GRM7: variants seen among roughly 807,000 people sequenced by gnomAD.
GRM7 encodes the protein metabotropic glutamate receptor 7.
Under a neutral mutation model 84.5 loss-of-function variants are expected in GRM7, and 35 were observed. The ratio of observed to expected loss-of-function variants is 0.41; its 90% CI spans 0.32 to 0.55. GRM7 has a LOEUF of 0.55. GRM7 is among the 20% of genes least tolerant of loss of function. The pLI is 0.19. For synonymous variants in GRM7, 487 were observed against 455.1 expected (o/e 1.07, Z -0.89); for missense variants, 1,003 against 1,194.6 (o/e 0.84, Z 2.36).
chr3:6,861,239 T>C lies in GRM7; in HGVS notation c.-150T>C. On this transcript the variant is annotated 5_prime_UTR_variant, in exon 1 of 10. Coordinates refer to ENST00000357716, the MANE Select transcript of GRM7 (RefSeq NM_000844.4). This position sits in a 1 kb window ranked among gnomAD's most constrained non-coding sequence, Gnocchi z 6.4. ...GCGCCGCGGGACCCCTCACCCTCTC[T>C]GGTCGCCCCTCCCCGGATTCCCCCA... The C allele has an allele frequency of 3.3e-6, 2 of 613,204 alleles. No individual in the cohort carries two copies. The highest frequency in any genetic ancestry group is 1.9e-5 in the African/African-American group (1 of 51,320). The allele number at this position is 613,204 out of a possible 1,614,324, so 38.0% of individuals were successfully genotyped here.
intron 1 of GRM7, among the ~76,000 whole-genome samples, chr3:7,082,301 T>C (rs114813097): frequency 0.01 from 1,571 of 152,210 alleles, 28 homozygotes; most frequent in African/African-American, 0.036. Flanking sequence ...TTAAGAATTA[T>C]GATTAATCTA....
intron 4 of GRM7, among the ~76,000 whole-genome samples, chr3:7,332,158 C>A (rs546742262): frequency 6.6e-6 from 1 of 152,262 alleles, no homozygotes; most frequent in African/African-American, 2.4e-5. Flanking sequence ...GGAAAGTGAA[C>A]ATCAGCCTAG....
intron 2 of GRM7, among the ~76,000 whole-genome samples, chr3:7,160,167 T>A (rs1694580141): frequency 6.6e-6 from 1 of 152,078 alleles, no homozygotes; most frequent in Admixed American, 6.6e-5. Context: ...GAGCTCAAAG[T>A]TAAAAACCCA....
chr3:7,022,453 C>T (rs1236302394), intron 1 of GRM7, among the ~76,000 whole-genome samples: 1 of 151,820 alleles, frequency 6.6e-6, no homozygotes, highest in East Asian at 1.9e-4. Flanking sequence ...GTCTTTCTGC[C>T]TCTGTAGCAG....
intron 1 of GRM7, among the ~76,000 whole-genome samples, chr3:7,000,061 G>A (rs1173381434): frequency 6.6e-6 from 1 of 151,760 alleles, no homozygotes; most frequent in Non-Finnish European, 1.5e-5. Flanking sequence ...ATATAACACA[G>A]GAGTTTACAT....
intron 1 of GRM7, among the ~76,000 whole-genome samples, chr3:6,988,581 T>C (rs1694515626): frequency 6.6e-6 from 1 of 152,212 alleles, no homozygotes; most frequent in African/African-American, 2.4e-5. Context: ...AAGTAGCTAC[T>C]TCGAACTAAG....
At chr3:7,313,874 G>C (rs540676395) in intron 4 of GRM7, among the ~76,000 whole-genome samples, 1 of 152,184 alleles carries the variant, frequency 6.6e-6, no homozygotes, top group South Asian at 2.1e-4. Context: ...CATGAAGTCA[G>C]TACAGCTTGT....
chr3:7,464,817 G>T (rs571328276), intron 7 of GRM7, among the ~76,000 whole-genome samples: 1 of 135,392 alleles, frequency 7.4e-6, no homozygotes, highest in Non-Finnish European at 1.5e-5. Context: ...GACAGAGCAA[G>T]ACTCTGTCTC....
intron 1 of GRM7, among the ~76,000 whole-genome samples, chr3:6,900,749 T>C (rs778378131): frequency 7.2e-5 from 11 of 152,190 alleles, no homozygotes; most frequent in Non-Finnish European, 1.3e-4. Flanking sequence ...AATAAACACA[T>C]TTCCCATAAC....
chr3:7,170,774 G>A (rs1694957217), intron 2 of GRM7, among the ~76,000 whole-genome samples: 1 of 152,136 alleles, frequency 6.6e-6, no homozygotes, highest in Non-Finnish European at 1.5e-5. Flanking sequence ...ATTAGGAGAA[G>A]ATATGGGAAA....
chr3:6,930,897 T>C (rs1484151789), intron 1 of GRM7, among the ~76,000 whole-genome samples: 1 of 152,198 alleles, frequency 6.6e-6, no homozygotes, highest in Non-Finnish European at 1.5e-5. Context: ...TAAAGGACAC[T>C]CAATGCTTCC....
intron 4 of GRM7, among the ~76,000 whole-genome samples, chr3:7,323,024 G>T (rs925851327): frequency 6.6e-6 from 1 of 152,160 alleles, no homozygotes; most frequent in Admixed American, 6.6e-5. Flanking sequence ...AAGTAAGCAA[G>T]AGTATGTTTG....
At chr3:7,117,508 T>C (rs187678320) in intron 1 of GRM7, among the ~76,000 whole-genome samples, 34 of 152,258 alleles carry the variant, frequency 2.2e-4, no homozygotes, top group African/African-American at 7.9e-4. Flanking sequence ...GAAGGGGACA[T>C]TGGATTCCTG....
chr3:7,550,571 C>CTG (rs776259677), intron 7 of GRM7, among the ~76,000 whole-genome samples: 41 of 87,218 alleles, frequency 4.7e-4, no homozygotes, highest in Non-Finnish European at 5.8e-4. Flanking sequence ...CTCTCTCTCT[C>CTG]TCTCTCTGTG....
At chr3:6,952,473 A>G (rs1692826547) in intron 1 of GRM7, among the ~76,000 whole-genome samples, 1 of 152,170 alleles carries the variant, frequency 6.6e-6, no homozygotes, top group Admixed American at 6.5e-5. Flanking sequence ...ATTCTGTCCT[A>G]TTAATTCTGG....
chr3:7,371,804 A>G (rs74394169), intron 4 of GRM7, among the ~76,000 whole-genome samples: 284 of 152,286 alleles, frequency 1.9e-3, no homozygotes, highest in Non-Finnish European at 3.2e-3. Flanking sequence ...GATTTGAAAG[A>G]AGAATCCAAC....
intron 9 of GRM7, among the ~76,000 whole-genome samples, chr3:7,736,003 G>A (rs1178884420): frequency 7.2e-5 from 11 of 152,108 alleles, no homozygotes; most frequent in Non-Finnish European, 1.6e-4. Context: ...TTATACCTTA[G>A]TGTTGTCTGA....
At chr3:7,280,181 G>A (rs988323145) in intron 2 of GRM7, among the ~76,000 whole-genome samples, 2 of 152,090 alleles carry the variant, frequency 1.3e-5, no homozygotes, top group African/African-American at 4.8e-5. Flanking sequence ...ATTGTTTGGG[G>A]CAAACTTTAA....
intron 2 of GRM7, among the ~76,000 whole-genome samples, chr3:7,268,442 C>G (rs1475982801): frequency 6.6e-6 from 1 of 151,788 alleles, no homozygotes; most frequent in African/African-American, 2.4e-5. Flanking sequence ...GGTGACTGAG[C>G]AAGACCCTGT....
Sources: gnomAD v4.1 joint callset for allele counts (sites outside exome capture counted in the v4.1 genomes callset) on GRCh38, gnomAD v4.1.1 for gene constraint, Gnocchi (gnomAD v3.1) non-coding constraint, MANE v1.5 for transcripts, NCBI Gene and HGNC (gene_info 2026-07-23, HGNC 2026-07-21) for gene names.